The following ARHGAP39 variants were observed in gnomAD, a reference collection of about 807,000 sequenced individuals.
ARHGAP39 encodes the protein rho GTPase-activating protein 39.
ARHGAP39 carries 44 observed loss-of-function variants against 106.9 expected under a neutral mutation model. The observed-to-expected ratio is 0.41, with a 90% CI of 0.32 to 0.53. The LOEUF (loss-of-function observed/expected upper bound fraction) is 0.53. Among genes scored for constraint, ARHGAP39 ranks in the 20% least tolerant of loss-of-function variants. The pLI is 0.21. For synonymous variants in ARHGAP39, 768 were observed against 693.2 expected, an observed-to-expected ratio of 1.11 and a Z score of -1.69; for missense variants, 1,496 against 1,577.3, an observed-to-expected ratio of 0.95 and a Z score of 0.87.
intron 1 of ARHGAP39, among the ~76,000 whole-genome samples, chr8:144,682,194 G>A (rs1387687167): frequency 7.2e-5 from 10 of 138,540 alleles, no homozygotes; most frequent in African/African-American, 2.0e-4. Flanking sequence ...ACAGCAAGCC[G>A]AGATCTCGCC....
intron 3 of ARHGAP39, among the ~76,000 whole-genome samples, chr8:144,562,133 A>T (rs917554106): frequency 7.1e-6 from 1 of 140,136 alleles, no homozygotes; most frequent in Non-Finnish European, 1.5e-5. Flanking sequence ...AGTGGTTTCC[A>T]TCGGACTTAC....
At chr8:144,545,212 T>C (rs1176501001) in intron 6 of ARHGAP39, 37 bp downstream of exon 6, 2 of 1,480,440 alleles carry the variant, frequency 1.4e-6, no homozygotes, top group African/African-American at 2.8e-5. Flanking sequence ...CCACTGCCCT[T>C]ACCTGAGCTG....
At chr8:144,579,459 C>T (rs549956146) in intron 3 of ARHGAP39, among the ~76,000 whole-genome samples, 3 of 152,224 alleles carry the variant, frequency 2.0e-5, no homozygotes, top group African/African-American at 2.4e-5. Flanking sequence ...ACGCCACGCC[C>T]GAGCCTCCGC....
chr8:144,557,893 A>G (rs1050342576), intron 3 of ARHGAP39, among the ~76,000 whole-genome samples: 2 of 152,264 alleles, frequency 1.3e-5, no homozygotes, highest in Non-Finnish European at 2.9e-5. Context: ...CAACTGGACA[A>G]GAAAAAAAAC....
chr8:144,561,417 TTCCATCACACTCCAGTGGTG>T (rs1818148885), intron 3 of ARHGAP39, among the ~76,000 whole-genome samples: 1 of 142,248 alleles, frequency 7.0e-6, no homozygotes, highest in African/African-American at 2.6e-5. Flanking sequence ...CTCCAGTGGT[TTCCATCACACTCCAGTGGTG>T]TCCATCACAC....
chr8:144,605,354 C>T (rs1289564633), intron 2 of ARHGAP39, among the ~76,000 whole-genome samples, 181 bp downstream of exon 2: 1 of 152,240 alleles, frequency 6.6e-6, no homozygotes, highest in Admixed American at 6.5e-5. Context: ...GGAACGCAGG[C>T]CACGGCCCTG....
chr8:144,664,878 T>C (rs567902929), intron 1 of ARHGAP39, among the ~76,000 whole-genome samples: 1 of 152,284 alleles, frequency 6.6e-6, no homozygotes, highest in African/African-American at 2.4e-5. Flanking sequence ...AAATTGGTAC[T>C]TGAGTGGGGT....
chr8:144,597,697 T>C (rs568885127), intron 2 of ARHGAP39, among the ~76,000 whole-genome samples: 1 of 152,152 alleles, frequency 6.6e-6, no homozygotes, highest in East Asian at 1.9e-4. Context: ...TTAAGACTTT[T>C]AGAAGAAAAT....
At chr8:144,587,864 G>A (rs1251872308) in intron 2 of ARHGAP39, among the ~76,000 whole-genome samples, 1 of 152,188 alleles carries the variant, frequency 6.6e-6, no homozygotes, top group Non-Finnish European at 1.5e-5. Context: ...CATTGGCCAG[G>A]CTGGTCTCGA....
At chr8:144,638,313 TATG>T (rs1033552342) in intron 1 of ARHGAP39, among the ~76,000 whole-genome samples, 19 of 152,264 alleles carry the variant, frequency 1.2e-4, no homozygotes, top group African/African-American at 4.6e-4. Flanking sequence ...GGAGCTTTCC[TATG>T]ATGTGTCTCC....
At chr8:144,571,432 G>A (rs553795150) in intron 3 of ARHGAP39, among the ~76,000 whole-genome samples, 8 of 152,184 alleles carry the variant, frequency 5.3e-5, no homozygotes, top group South Asian at 2.1e-4. Context: ...AACAAAATTC[G>A]ACAGCGCTTC....
intron 7 of ARHGAP39, among the ~76,000 whole-genome samples, chr8:144,536,512 G>A (rs912356885): frequency 6.6e-6 from 1 of 152,206 alleles, no homozygotes; most frequent in Non-Finnish European, 1.5e-5. Flanking sequence ...TCAGGCCACC[G>A]GACGCCAGCT....
At chr8:144,554,426 C>T (rs1274455247) in intron 4 of ARHGAP39, among the ~76,000 whole-genome samples, 2 of 152,068 alleles carry the variant, frequency 1.3e-5, no homozygotes, top group Admixed American at 1.3e-4. Context: ...GGGATAATGC[C>T]AGTGAGTCGG....
chr8:144,612,688 G>A (rs1321010731), intron 1 of ARHGAP39, among the ~76,000 whole-genome samples: 8 of 87,780 alleles, frequency 9.1e-5, no homozygotes, highest in Admixed American at 4.5e-4. Flanking sequence ...CAGCCAGGGC[G>A]ACAGAGTGAG....
chr8:144,545,573 C>G lies in ARHGAP39; in HGVS notation c.2197G>C (p.Val733Leu). Reference protein sequence around the residue: ...SSESIKKPMIVTSDRHVKKEA... With the variant: ...SSESIKKPMILTSDRHVKKEA... ...TTCTTCACGTGCCGGTCGCTTGTCA[C>G]GATCATGGGCTTCTTGATGGACTCG... Residue 733 changes from valine to leucine, a missense_variant, in exon 6 of 12, where the codon GTG becomes CTG. This residue lies in a region of ARHGAP39 where 470 missense variants were observed against 605.1 expected (regional missense o/e 0.78). Transcript: ENST00000377307. The G allele has an allele frequency of 6.2e-7, 1 of 1,613,756 alleles. No homozygotes were observed. Among genetic ancestry groups the G allele is most frequent in the Non-Finnish European group, 8.5e-7 (1 of 1,180,016 alleles).
At chr8:144,536,244 G>A (rs1412165910) in intron 7 of ARHGAP39, among the ~76,000 whole-genome samples, 2 of 152,176 alleles carry the variant, frequency 1.3e-5, no homozygotes, top group Non-Finnish European at 2.9e-5. Flanking sequence ...ACCAACAGCA[G>A]CAGCTCTCCT....
At chr8:144,587,518 G>A (rs115426231) in intron 2 of ARHGAP39, among the ~76,000 whole-genome samples, 2,775 of 152,314 alleles carry the variant, frequency 0.018, 79 homozygotes, top group African/African-American at 0.063. Flanking sequence ...TAATGCTGAA[G>A]GATAGAGGGA....
upstream of ARHGAP39, among the ~76,000 whole-genome samples, chr8:144,686,954 G>T (rs62529939): frequency 1.5e-3 from 23 of 15,628 alleles, 2 homozygotes; most frequent in South Asian, 4.6e-3. Flanking sequence ...CTGTGACCAC[G>T]CACTGGCGGC....
At chr8:144,660,209 C>T (rs1038466523) in intron 1 of ARHGAP39, among the ~76,000 whole-genome samples, 7 of 152,166 alleles carry the variant, frequency 4.6e-5, no homozygotes, top group African/African-American at 9.7e-5. Context: ...GGCACCTTGG[C>T]GTCAGCTCTG....
Sources: allele counts gnomAD v4.1 joint callset (sites outside exome capture counted in the v4.1 genomes callset), GRCh38; gene constraint gnomAD v4.1.1; regional missense constraint gnomAD v4.1.1; transcripts MANE v1.5; gene names NCBI Gene and HGNC (gene_info 2026-07-23, HGNC 2026-07-21).